SMYD3: variants seen among roughly 807,000 people sequenced by gnomAD.
SMYD3 encodes histone-lysine N-methyltransferase SMYD3.
In SMYD3, 36 loss-of-function variants were observed where a neutral mutation model predicts 57.7. The ratio of observed to expected loss-of-function variants is 0.62; its 90% CI spans 0.48 to 0.82. The LOEUF is 0.82. SMYD3 is among the 40% of genes least tolerant of loss of function. The probability of loss-of-function intolerance (pLI) is 0.00; values close to 1 mark genes in which losing one functional copy is unlikely to be tolerated. For synonymous variants in SMYD3, 211 were observed against 195.0 expected (o/e 1.08, Z -0.68); for missense variants, 515 against 538.8 (o/e 0.96, Z 0.44).
At chr1:246,343,688 TGGAAG>T (rs1232703502) in intron 2 of SMYD3, among the ~76,000 whole-genome samples, 1 of 152,194 alleles carries the variant, frequency 6.6e-6, no homozygotes, top group African/African-American at 2.4e-5. Flanking sequence ...GAGTAAGCAA[TGGAAG>T]GTTAATGTAC....
At chr1:245,960,005 C>T (rs900039824) in intron 5 of SMYD3, among the ~76,000 whole-genome samples, 17 of 152,146 alleles carry the variant, frequency 1.1e-4, no homozygotes, top group Non-Finnish European at 2.4e-4. Context: ...CTCTCAAACT[C>T]GTGACTCAAA....
intron 5 of SMYD3, among the ~76,000 whole-genome samples, chr1:246,175,494 T>C (rs551623558): frequency 6.6e-6 from 1 of 152,206 alleles, no homozygotes; most frequent in Non-Finnish European, 1.5e-5. Flanking sequence ...TGAAAATCCC[T>C]CTACCACCTG....
At chr1:245,812,320 T>C (rs2048519223) in intron 10 of SMYD3, among the ~76,000 whole-genome samples, 1 of 152,170 alleles carries the variant, frequency 6.6e-6, no homozygotes, top group Non-Finnish European at 1.5e-5. Context: ...GGGCCTGAAT[T>C]ATTTCAGTTC....
chr1:246,340,438 A>G (rs901285786), intron 2 of SMYD3, among the ~76,000 whole-genome samples: 7 of 152,124 alleles, frequency 4.6e-5, no homozygotes, highest in African/African-American at 1.7e-4. Context: ...TGAATAGGAA[A>G]TTCATGACTG....
At chr1:246,265,247 C>T (rs2064082964) in intron 5 of SMYD3, among the ~76,000 whole-genome samples, 1 of 152,086 alleles carries the variant, frequency 6.6e-6, no homozygotes, top group African/African-American at 2.4e-5. Context: ...GTGATCCCAC[C>T]TCAGCCTCCC....
intron 5 of SMYD3, among the ~76,000 whole-genome samples, chr1:246,215,817 G>A (rs548421302): frequency 2.0e-5 from 3 of 152,212 alleles, no homozygotes; most frequent in Non-Finnish European, 4.4e-5. Context: ...CCACTGACAC[G>A]ACAAAAATCT....
intron 5 of SMYD3, among the ~76,000 whole-genome samples, chr1:246,287,687 C>T (rs2064598453): frequency 6.6e-6 from 1 of 152,108 alleles, no homozygotes; most frequent in Non-Finnish European, 1.5e-5. Flanking sequence ...GACCCTGTCT[C>T]TGTTTTGGCC....
intron 10 of SMYD3, among the ~76,000 whole-genome samples, chr1:245,803,860 C>T (rs1266994661): frequency 3.3e-5 from 5 of 151,642 alleles, no homozygotes; most frequent in African/African-American, 1.2e-4. Flanking sequence ...AGCCCTGGAT[C>T]CAACCAGGCT....
chr1:245,783,045 T>A (rs1219031931), intron 10 of SMYD3, among the ~76,000 whole-genome samples: 1 of 152,204 alleles, frequency 6.6e-6, no homozygotes, highest in Non-Finnish European at 1.5e-5. Context: ...GTCATTTTGG[T>A]CCCTCTCTCC....
chr1:245,939,631 G>T (rs150098232), intron 5 of SMYD3, among the ~76,000 whole-genome samples: 1 of 150,814 alleles, frequency 6.6e-6, no homozygotes, highest in East Asian at 2.0e-4. Context: ...GTCTCAGGAA[G>T]AAATAAATAA....
At chr1:245,951,598 T>C (rs10924402) in intron 5 of SMYD3, among the ~76,000 whole-genome samples, 11,178 of 117,342 alleles carry the variant, frequency 0.095, 1,853 homozygotes, top group African/African-American at 0.28. Flanking sequence ...TGCCATGATA[T>C]AGTCAATTCC....
At chr1:246,075,036 G>T (rs947241818) in intron 5 of SMYD3, among the ~76,000 whole-genome samples, 1 of 151,588 alleles carries the variant, frequency 6.6e-6, no homozygotes, top group Non-Finnish European at 1.5e-5. Flanking sequence ...ACATATGAGG[G>T]AAGAGGACAG....
chr1:246,506,485 G>C (rs2068540086), intron 1 of SMYD3, among the ~76,000 whole-genome samples: 1 of 152,070 alleles, frequency 6.6e-6, no homozygotes, highest in Non-Finnish European at 1.5e-5. Context: ...TCTCTCACTT[G>C]ATCAGCTCTT....
intron 5 of SMYD3, among the ~76,000 whole-genome samples, chr1:246,081,110 T>C (rs1382736539): frequency 6.6e-6 from 1 of 152,248 alleles, no homozygotes; most frequent in Non-Finnish European, 1.5e-5. Context: ...TTAACTCCTA[T>C]GACCTTAGCG....
chr1:246,335,932 A>G (rs1162966119), intron 2 of SMYD3, among the ~76,000 whole-genome samples: 9 of 152,250 alleles, frequency 5.9e-5, no homozygotes, highest in Non-Finnish European at 1.3e-4. Context: ...CAGAAATATC[A>G]GGAGGGCTAA....
At chr1:246,439,204 C>T (rs2067427713) in intron 1 of SMYD3, among the ~76,000 whole-genome samples, 1 of 151,848 alleles carries the variant, frequency 6.6e-6, no homozygotes, top group South Asian at 2.1e-4. Context: ...TCAAGCAATC[C>T]TCCCATTTGA....
chr1:246,469,681 C>T (rs1428955218), intron 1 of SMYD3, among the ~76,000 whole-genome samples: 1 of 152,078 alleles, frequency 6.6e-6, no homozygotes, highest in Non-Finnish European at 1.5e-5. Context: ...AGGTAAGGCT[C>T]CTCCTTAGAA....
chr1:245,950,996 G>A (rs759613762), intron 5 of SMYD3, among the ~76,000 whole-genome samples: 2 of 152,086 alleles, frequency 1.3e-5, no homozygotes, highest in Admixed American at 6.5e-5. Context: ...TGAACACTCC[G>A]GCATATTAGT....
chr1:246,487,508 A>C (rs1228923006), intron 1 of SMYD3, among the ~76,000 whole-genome samples: 1 of 152,128 alleles, frequency 6.6e-6, no homozygotes, highest in Non-Finnish European at 1.5e-5. Flanking sequence ...TAAAAGATAC[A>C]ATGTTCTGAG....
Sources: gnomAD v4.1 joint callset for allele counts (sites outside exome capture counted in the v4.1 genomes callset) on GRCh38, gnomAD v4.1.1 for gene constraint, MANE v1.5 for transcripts, NCBI Gene and HGNC (gene_info 2026-07-23, HGNC 2026-07-21) for gene names.